The following CEP128 variants were observed in gnomAD, a reference collection of about 807,000 sequenced individuals.
CEP128 encodes centrosomal protein 128.
A neutral mutation model predicts 156.7 loss-of-function variants in CEP128; 132 were observed. The ratio of observed to expected loss-of-function variants is 0.84; its 90% confidence interval spans 0.73 to 0.97. The LOEUF is 0.97. CEP128 is among the 50% of genes least tolerant of loss of function. CEP128 has a pLI of 0.00. For missense variants in CEP128, 1,252 were observed against 1,281.9 expected (o/e 0.98, Z 0.36); for synonymous variants, 469 against 448.9 (o/e 1.04, Z -0.57).
chr14:80,572,694 GAAAACAACAA>G (rs1043134857), intron 20 of CEP128, among the ~76,000 whole-genome samples: 2 of 101,460 alleles, frequency 2.0e-5, no homozygotes, highest in African/African-American at 8.4e-5. Flanking sequence ...GTTGAGATTT[GAAAACAACAA>G]AAAAAAACAC....
chr14:80,503,164 A>G (rs1887814647), intron 24 of CEP128, among the ~76,000 whole-genome samples: 1 of 152,182 alleles, frequency 6.6e-6, no homozygotes, highest in Non-Finnish European at 1.5e-5. Context: ...AATTAATTAA[A>G]CTAATGAAGA....
chr14:80,679,688 C>T (rs1159475078), intron 19 of CEP128, among the ~76,000 whole-genome samples: 2 of 152,110 alleles, frequency 1.3e-5, no homozygotes, highest in Admixed American at 1.3e-4. Flanking sequence ...TTGCCCTTTG[C>T]CTTGTGACTT....
chr14:80,536,840 C>T (rs1270799348), intron 21 of CEP128, among the ~76,000 whole-genome samples: 1 of 152,150 alleles, frequency 6.6e-6, no homozygotes, highest in Non-Finnish European at 1.5e-5. Context: ...TCCTCTATTT[C>T]TAGACTGTAT....
chr14:80,942,829 C>G (rs1192651971), upstream of CEP128, among the ~76,000 whole-genome samples: 2 of 152,054 alleles, frequency 1.3e-5, no homozygotes, highest in African/African-American at 4.8e-5. Flanking sequence ...TCCCTCCTTA[C>G]CCCTCCTCCC....
rs576115194 is a variant in CEP128, at chr14:80,817,050, C to A, written c.1209+14093G>T. ...GAGATATCAACAGAATTAGACCAAC[C>A]AAAGCTTAATGAGATCAGGGAACTA... On this transcript the variant is annotated intron_variant, in intron 13 of 24. Transcript: ENST00000555265. 6.0e-5 allele frequency among the ~76,000 whole-genome samples: 9 copies of A among 150,196 alleles called. No individual in the cohort carries two copies. The South Asian group carries it at 1.7e-3, about 28-fold the overall frequency.
rs1897705175 is a variant in CEP128, at chr14:80,718,814, C to T, written c.2806+24261G>A. ...AAGAAGGGCACTGGCATAAAGCAGGCTAAATAGGTACATGGGCTTAACACC... is the reference window on the plus strand; with the variant it reads ...AAGAAGGGCACTGGCATAAAGCAGGTTAAATAGGTACATGGGCTTAACACC... On this transcript the variant is annotated intron_variant, in intron 19 of 24. Transcript: ENST00000555265. 3.3e-5 allele frequency among the ~76,000 whole-genome samples: 5 copies of T among 152,178 alleles called. No individual in the cohort carries two copies. In the South Asian group the frequency reaches 8.3e-4, roughly 25 times the overall value.
intron 21 of CEP128, among the ~76,000 whole-genome samples, chr14:80,541,540 G>A (rs1307720008): frequency 6.8e-6 from 1 of 148,108 alleles, no homozygotes; most frequent in Non-Finnish European, 1.5e-5. Flanking sequence ...TTGTCATGGT[G>A]TATTTTTAGA....
At chr14:80,722,013 C>T (rs755725550) in intron 19 of CEP128, among the ~76,000 whole-genome samples, 2 of 152,078 alleles carry the variant, frequency 1.3e-5, no homozygotes, top group African/African-American at 2.4e-5. Flanking sequence ...TATAGTTTTA[C>T]GGAAGGATAT....
intron 18 of CEP128, among the ~76,000 whole-genome samples, chr14:80,750,599 C>T (rs1218938144): frequency 6.6e-6 from 1 of 152,142 alleles, no homozygotes; most frequent in Admixed American, 6.6e-5. Flanking sequence ...AATCACTTCA[C>T]GTTGCCTTTT....
intron 13 of CEP128, among the ~76,000 whole-genome samples, chr14:80,795,178 CA>C (rs1251020587): frequency 6.6e-6 from 1 of 152,150 alleles, no homozygotes; most frequent in African/African-American, 2.4e-5. Context: ...CAGATGACCC[CA>C]ACTCCAGGCC....
chr14:80,590,203 C>T (rs879656883), intron 19 of CEP128, among the ~76,000 whole-genome samples: 14 of 152,120 alleles, frequency 9.2e-5, no homozygotes, highest in Admixed American at 8.5e-4. Flanking sequence ...TGTGTTTACA[C>T]ACCTGAAAAT....
intron 20 of CEP128, among the ~76,000 whole-genome samples, chr14:80,568,657 TTGAC>T (rs1324916135): frequency 7.9e-5 from 12 of 152,170 alleles, no homozygotes; most frequent in African/African-American, 2.9e-4. Flanking sequence ...TTAATTCAGT[TTGAC>T]TGAGATTAAA....
chr14:80,901,762 A>G lies in CEP128; in HGVS notation c.481-1733T>C, dbSNP rs150216076. Reference sequence around the variant, plus strand: ...TATCCACTAAAATGCTTTTAATTCTACCTCCTTCTCTCCAGCTCCACCTAT... The same window carrying G: ...TATCCACTAAAATGCTTTTAATTCTGCCTCCTTCTCTCCAGCTCCACCTAT... On this transcript the variant is annotated intron_variant, in intron 6 of 24. Coordinates refer to ENST00000555265, the MANE Select transcript of CEP128 (RefSeq NM_152446.5). Among the ~76,000 whole-genome samples the G allele has an allele frequency of 5.9e-4, 89 of 152,076 alleles. 1 individual carries two copies. Among genetic ancestry groups the G allele is most frequent in the Middle Eastern group, 3.4e-3 (1 of 294 alleles).
chr14:80,497,295 T>C lies in CEP128; in HGVS notation c.*184A>G. The C allele has an allele frequency of 1.9e-6, 1 of 532,982 alleles. No individual in the cohort carries two copies. Among genetic ancestry groups the C allele is most frequent in the Non-Finnish European group, 3.3e-6 (1 of 303,884 alleles). The allele number at this position is 532,982 out of a possible 1,614,324, so 33.0% of individuals were successfully genotyped here. ...GCTGCACATCATTCATGATCTGATA[T>C]TATTTGGATTGGTTTACCATTCACA... On this transcript the variant is annotated 3_prime_UTR_variant, in exon 25 of 25. Transcript: ENST00000555265.
chr14:80,787,751 G>A (rs1901488115), intron 14 of CEP128, among the ~76,000 whole-genome samples: 2 of 152,138 alleles, frequency 1.3e-5, no homozygotes, highest in Non-Finnish European at 2.9e-5. Context: ...GAGACTTATA[G>A]GCAGTGCTGA....
intron 19 of CEP128, among the ~76,000 whole-genome samples, chr14:80,664,278 A>G (rs925570575): frequency 1.3e-5 from 2 of 152,200 alleles, no homozygotes; most frequent in African/African-American, 4.8e-5. Flanking sequence ...GGGTGTCAGA[A>G]GCAATAGACA....
intron 19 of CEP128, among the ~76,000 whole-genome samples, chr14:80,627,211 G>A (rs1455811234): frequency 6.6e-6 from 1 of 152,180 alleles, no homozygotes; most frequent in Non-Finnish European, 1.5e-5. Flanking sequence ...AGAATCAATT[G>A]TGCAAGAGCA....
chr14:80,625,871 CTTCT>C (rs1318120584), intron 19 of CEP128, among the ~76,000 whole-genome samples: 2 of 141,956 alleles, frequency 1.4e-5, no homozygotes, highest in African/African-American at 2.6e-5. Context: ...TTCTCTCTTT[CTTCT>C]TTCTTTTTGT....
chr14:80,511,198 GTGTT>G (rs576923552), intron 23 of CEP128, among the ~76,000 whole-genome samples: 14 of 151,238 alleles, frequency 9.3e-5, no homozygotes, highest in South Asian at 4.2e-4. Flanking sequence ...AGTTCTTTAA[GTGTT>G]TGTTAGAATT....
Sources: gnomAD v4.1 joint callset for allele counts (sites outside exome capture counted in the v4.1 genomes callset) on GRCh38, gnomAD v4.1.1 for gene constraint, MANE v1.5 for transcripts, NCBI Gene and HGNC (gene_info 2026-07-23, HGNC 2026-07-21) for gene names.